ICA1L: variants seen among roughly 807,000 people sequenced by gnomAD.
ICA1L encodes the protein islet cell autoantigen 1-like protein.
In ICA1L, 50 loss-of-function variants were observed where a neutral mutation model predicts 61.3. The observed-to-expected ratio is 0.82, with a 90% confidence interval of 0.65 to 1.03. The LOEUF (loss-of-function observed/expected upper bound fraction) is 1.03, where lower values mean the gene tolerates loss of function less well. ICA1L is among the 50% of genes least tolerant of loss of function. The pLI is 0.00. For synonymous variants in ICA1L, 161 were observed against 191.3 expected (o/e 0.84, Z 1.31); for missense variants, 508 against 556.7 (o/e 0.91, Z 0.88).
chr2:202,789,669 G>T (rs1301766755), intron 10 of ICA1L, among the ~76,000 whole-genome samples: 5 of 152,106 alleles, frequency 3.3e-5, no homozygotes, highest in Non-Finnish European at 5.9e-5. Flanking sequence ...AAAACAAAAA[G>T]GTTGTTACAC....
chr2:202,827,152 G>C (rs955003109), intron 2 of ICA1L, among the ~76,000 whole-genome samples: 1 of 152,190 alleles, frequency 6.6e-6, no homozygotes. Flanking sequence ...CCAGCACTTT[G>C]GGAGGCTGAG....
At chr2:202,848,038 C>T (rs1694514723) in intron 1 of ICA1L, among the ~76,000 whole-genome samples, 1 of 152,082 alleles carries the variant, frequency 6.6e-6, no homozygotes, top group African/African-American at 2.4e-5. Flanking sequence ...ATTGAGTACA[C>T]ATGGACATAA....
At chr2:202,780,308 C>A (rs944207590) in intron 12 of ICA1L, among the ~76,000 whole-genome samples, 1 of 152,198 alleles carries the variant, frequency 6.6e-6, no homozygotes, top group African/African-American at 2.4e-5. Context: ...TTTCCATGTG[C>A]ACTTTAAAAC....
At chr2:202,803,362 C>T (rs182968760) in intron 9 of ICA1L, among the ~76,000 whole-genome samples, 52 of 138,130 alleles carry the variant, frequency 3.8e-4, no homozygotes, top group African/African-American at 1.4e-3. Context: ...GTTTGCACCA[C>T]TGCACTCCAG....
At chr2:202,856,697 G>A (rs1169710357) in intron 1 of ICA1L, among the ~76,000 whole-genome samples, 2 of 152,178 alleles carry the variant, frequency 1.3e-5, no homozygotes, top group African/African-American at 4.8e-5. Flanking sequence ...ACTTATCTCT[G>A]TTTACAGAAG....
At chr2:202,818,157 A>T (rs1156924996) in intron 5 of ICA1L, among the ~76,000 whole-genome samples, 3 of 152,198 alleles carry the variant, frequency 2.0e-5, no homozygotes, top group African/African-American at 7.2e-5. Flanking sequence ...GCACAGGAAA[A>T]AAAAGAAGTA....
intron 1 of ICA1L, among the ~76,000 whole-genome samples, chr2:202,867,157 C>T (rs574381079): frequency 6.6e-6 from 1 of 151,914 alleles, no homozygotes. Context: ...ATGAACAGAC[C>T]CGTGTTCTGA....
At chr2:202,854,900 C>A (rs1467929159) in intron 1 of ICA1L, among the ~76,000 whole-genome samples, 1 of 151,976 alleles carries the variant, frequency 6.6e-6, no homozygotes, top group Non-Finnish European at 1.5e-5. Context: ...GTGGTGGGCG[C>A]CTGTAGTCCC....
intron 1 of ICA1L, chr2:202,841,168 T>C (rs919127618): frequency 1.5e-6 from 1 of 663,442 alleles, no homozygotes; most frequent in African/African-American, 1.8e-5. Flanking sequence ...ACCTTGTTCA[T>C]ATAAGCTTCA....
intron 1 of ICA1L, among the ~76,000 whole-genome samples, chr2:202,867,283 G>T (rs1001086436): frequency 5.3e-5 from 8 of 152,150 alleles, no homozygotes; most frequent in African/African-American, 1.9e-4. Context: ...TAACTGTGGG[G>T]ATATGTTCTG....
intron 1 of ICA1L, among the ~76,000 whole-genome samples, chr2:202,838,915 G>A (rs1426122264): frequency 2.0e-5 from 3 of 152,028 alleles, no homozygotes; most frequent in East Asian, 1.9e-4. Flanking sequence ...GAAGAAGGGC[G>A]AGGCACAATA....
intron 1 of ICA1L, among the ~76,000 whole-genome samples, chr2:202,851,252 A>T (rs775837883): frequency 5.9e-5 from 9 of 151,954 alleles, no homozygotes; most frequent in Non-Finnish European, 1.3e-4. Flanking sequence ...ATGAGTGAGA[A>T]CATGCAGTGT....
At chr2:202,796,300 T>A (rs903780525) in intron 10 of ICA1L, among the ~76,000 whole-genome samples, 5 of 152,148 alleles carry the variant, frequency 3.3e-5, no homozygotes, top group Non-Finnish European at 7.3e-5. Flanking sequence ...TTAAAAGCTT[T>A]AAAAAAATTT....
At chr2:202,804,903 C>T (rs767514203) in intron 9 of ICA1L, among the ~76,000 whole-genome samples, 1 of 152,160 alleles carries the variant, frequency 6.6e-6, no homozygotes, top group Non-Finnish European at 1.5e-5. Context: ...CAGAAACACA[C>T]TTCCAAATCA....
chr2:202,848,744 T>C (rs1694532973), intron 1 of ICA1L, among the ~76,000 whole-genome samples: 1 of 152,198 alleles, frequency 6.6e-6, no homozygotes, highest in Non-Finnish European at 1.5e-5. Context: ...TTTGTGTGTG[T>C]ACAGATATAT....
intron 1 of ICA1L, among the ~76,000 whole-genome samples, chr2:202,830,082 T>C (rs573835982): frequency 3.7e-4 from 57 of 152,276 alleles, no homozygotes; most frequent in African/African-American, 1.3e-3. Flanking sequence ...CAGATGGACA[T>C]TGTAAACTGT....
chr2:202,793,998 AG>A lies in ICA1L; in HGVS notation c.985+2891del, dbSNP rs1384626143. 5.3e-5 allele frequency among the ~76,000 whole-genome samples: 8 copies of A among 151,878 alleles called. No homozygotes were observed. The South Asian group carries it at 6.2e-4, about 12-fold the overall frequency. On this transcript the variant is annotated intron_variant, in intron 10 of 12. Transcript: ENST00000358299. ...AAACTCCAGCTCAAAAAAAAAAAAA[AG>A]AATGCAAAAAGAGTAGTAAAATATT... is the stretch of plus-strand genomic sequence containing the variant.
At chr2:202,832,809 G>T (rs1297215850) in intron 1 of ICA1L, among the ~76,000 whole-genome samples, 3 of 151,944 alleles carry the variant, frequency 2.0e-5, no homozygotes, top group Non-Finnish European at 4.4e-5. Context: ...AACTGGACAA[G>T]ATTAAGAGCA....
At chr2:202,803,043 G>A (rs561724005) in intron 9 of ICA1L, among the ~76,000 whole-genome samples, 1 of 152,188 alleles carries the variant, frequency 6.6e-6, no homozygotes, top group South Asian at 2.1e-4. Context: ...AAAAGAATGA[G>A]AAGTTGACAT....
Sources: allele counts gnomAD v4.1 joint callset (sites outside exome capture counted in the v4.1 genomes callset), GRCh38; gene constraint gnomAD v4.1.1; transcripts MANE v1.5; gene names NCBI Gene and HGNC (gene_info 2026-07-23, HGNC 2026-07-21).